The following POLR3B variants were observed in gnomAD, a reference collection of about 807,000 sequenced individuals.
The protein encoded by POLR3B is DNA-directed RNA polymerase III subunit RPC2.
Under a neutral mutation model 147.4 loss-of-function variants are expected in POLR3B, and 96 were observed. The ratio of observed to expected loss-of-function variants is 0.65; its 90% CI spans 0.55 to 0.77. The LOEUF (loss-of-function observed/expected upper bound fraction) is 0.77, where lower values mean the gene tolerates loss of function less well. Ranked by LOEUF, POLR3B falls within the 30% of genes least tolerant of loss-of-function variation. POLR3B has a pLI of 0.00. For missense variants in POLR3B, 1,036 were observed against 1,413.5 expected, an observed-to-expected ratio of 0.73 and a Z score of 4.28; for synonymous variants, 461 against 485.9, an observed-to-expected ratio of 0.95 and a Z score of 0.67.
chr12:106,413,674 G>A (rs2037260984), intron 12 of POLR3B, among the ~76,000 whole-genome samples: 1 of 151,236 alleles, frequency 6.6e-6, no homozygotes, highest in Non-Finnish European at 1.5e-5. Flanking sequence ...TGCTTGGTAT[G>A]TGCGTGTTCC....
chr12:106,432,538 T>G, intron 15 of POLR3B, 58 bp downstream of exon 15: 45 of 1,277,896 alleles, frequency 3.5e-5, no homozygotes, highest in Non-Finnish European at 4.8e-5. Context: ...GGGGAGGGAA[T>G]CCATTATTAT....
At chr12:106,412,514 A>G (rs2037241637) in intron 12 of POLR3B, among the ~76,000 whole-genome samples, 1 of 152,188 alleles carries the variant, frequency 6.6e-6, no homozygotes, top group Admixed American at 6.5e-5. Flanking sequence ...AAGCCATAAA[A>G]CAGGAAACTC....
chr12:106,451,809 A>G (rs1749217332), intron 19 of POLR3B, among the ~76,000 whole-genome samples: 1 of 152,144 alleles, frequency 6.6e-6, no homozygotes, highest in African/African-American at 2.4e-5. Context: ...GCACTTTTTC[A>G]ATATTTTAAC....
chr12:106,425,232 G>A (rs377048660), intron 12 of POLR3B, among the ~76,000 whole-genome samples: 1 of 152,190 alleles, frequency 6.6e-6, no homozygotes, highest in East Asian at 1.9e-4. Context: ...CCCTCCCTGT[G>A]GTATCTGGCC....
At chr12:106,417,831 TA>T (rs200535633) in intron 12 of POLR3B, among the ~76,000 whole-genome samples, 1 of 151,770 alleles carries the variant, frequency 6.6e-6, no homozygotes, top group Admixed American at 6.6e-5. Flanking sequence ...ATGAGTCCAT[TA>T]AAAAAAAGTT....
At chr12:106,376,695 G>A (rs536265005) in intron 7 of POLR3B, among the ~76,000 whole-genome samples, 14 of 150,004 alleles carry the variant, frequency 9.3e-5, no homozygotes, top group South Asian at 8.3e-4. Flanking sequence ...TCAGCTCACT[G>A]CAACCTCTGC....
At chr12:106,482,348 C>A (rs1157561177) in intron 23 of POLR3B, among the ~76,000 whole-genome samples, 2 of 152,118 alleles carry the variant, frequency 1.3e-5, no homozygotes, top group Non-Finnish European at 2.9e-5. Flanking sequence ...TAAAGAAATA[C>A]CTCAGACTGG....
intron 6 of POLR3B, among the ~76,000 whole-genome samples, chr12:106,370,095 G>A (rs2136887915): frequency 6.6e-6 from 1 of 152,222 alleles, no homozygotes; most frequent in South Asian, 2.1e-4. Flanking sequence ...GGAAATGATA[G>A]CATCCACTTG....
intron 4 of POLR3B, among the ~76,000 whole-genome samples, chr12:106,367,595 G>A (rs981098561): frequency 2.6e-5 from 4 of 152,124 alleles, no homozygotes; most frequent in Admixed American, 6.5e-5. Flanking sequence ...TTTGTATGAC[G>A]TCTGATTGGG....
At chr12:106,453,549 A>C (rs543054096) in intron 19 of POLR3B, among the ~76,000 whole-genome samples, 39 of 151,948 alleles carry the variant, frequency 2.6e-4, no homozygotes, top group Non-Finnish European at 4.6e-4. Context: ...AGGGGGAGAA[A>C]AGAGATACCT....
Position 106,496,932 on chromosome 12 carries a change from T to C in POLR3B, c.2984+14T>C, listed in dbSNP as rs773641566. On this transcript the variant is annotated intron_variant, in intron 25 of 27. Coordinates refer to ENST00000228347, the MANE Select transcript of POLR3B (RefSeq NM_018082.6). ...CGGCATCACAGGGTAAGCATGCGAT[T>C]GAGCTATTTTAAAGAAAAAGAATGG... is the stretch of plus-strand genomic sequence containing the variant. 1 of 1,612,090 alleles carries C rather than the reference T, an allele frequency of 6.2e-7. No homozygotes were observed. The highest frequency in any genetic ancestry group is 8.5e-7 in the Non-Finnish European group (1 of 1,178,746).
At chr12:106,468,583 G>A (rs2038041749) in intron 23 of POLR3B, among the ~76,000 whole-genome samples, 1 of 152,150 alleles carries the variant, frequency 6.6e-6, no homozygotes, top group Non-Finnish European at 1.5e-5. Context: ...GGCATTTAGT[G>A]CTATAAATTT....
chr12:106,375,687 A>G (rs1304094610), intron 6 of POLR3B, among the ~76,000 whole-genome samples: 1 of 152,044 alleles, frequency 6.6e-6, no homozygotes, highest in East Asian at 1.9e-4. Context: ...CTTTTTCCAG[A>G]CTGCCTGGTT....
In POLR3B at chr12:106,397,413, T is replaced by C. The variant is rs765720026; in HGVS notation, c.846+4260T>C. ...CCCCCTCATGCCCCTTCCTAGTCAA[T>C]CTTTACCTCTACTCTCTGATTTTTT... is the stretch of plus-strand genomic sequence containing the variant. On this transcript the variant is annotated intron_variant, in intron 10 of 27. Coordinates refer to ENST00000228347, the MANE Select transcript of POLR3B (RefSeq NM_018082.6). 1.1e-3 allele frequency among the ~76,000 whole-genome samples: 169 copies of C among 152,178 alleles called. 1 individual carries two copies. The highest frequency in any genetic ancestry group is 1.9e-3 in the Non-Finnish European group (126 of 68,022).
intron 13 of POLR3B, among the ~76,000 whole-genome samples, chr12:106,429,390 C>T (rs1424016286): frequency 6.6e-6 from 1 of 152,166 alleles, no homozygotes; most frequent in African/African-American, 2.4e-5. Context: ...CCACCCACCT[C>T]GGCCTCCCAA....
intron 8 of POLR3B, 94 bp downstream of exon 8, chr12:106,378,478 C>A: frequency 2.8e-6 from 2 of 721,908 alleles, no homozygotes; most frequent in Non-Finnish European, 4.9e-6. Flanking sequence ...CAGTTATTAC[C>A]CTCTAAAAGC....
chr12:106,436,735 T>A (rs1410069600), intron 16 of POLR3B, among the ~76,000 whole-genome samples: 1 of 152,252 alleles, frequency 6.6e-6, no homozygotes, highest in Admixed American at 6.5e-5. Flanking sequence ...TTTCAGACTT[T>A]GAGTATCATT....
chr12:106,394,966 A>C (rs1013026385), intron 10 of POLR3B, among the ~76,000 whole-genome samples: 1 of 152,260 alleles, frequency 6.6e-6, no homozygotes, highest in African/African-American at 2.4e-5. Flanking sequence ...ATGCTATTCA[A>C]AATGAAGATG....
intron 23 of POLR3B, among the ~76,000 whole-genome samples, chr12:106,476,058 C>A (rs1211840086): frequency 6.8e-6 from 1 of 147,702 alleles, no homozygotes; most frequent in East Asian, 2.0e-4. Flanking sequence ...TTAGGGCAGG[C>A]CTGGTGGTGA....
Sources: gnomAD v4.1 joint callset for allele counts (sites outside exome capture counted in the v4.1 genomes callset) on GRCh38, gnomAD v4.1.1 for gene constraint, MANE v1.5 for transcripts, NCBI Gene and HGNC (gene_info 2026-07-23, HGNC 2026-07-21) for gene names.